The following B3GALT1 variants were observed in gnomAD, a reference collection of about 807,000 sequenced individuals.
B3GALT1 encodes the protein beta-1,3-galactosyltransferase 1, also known as UDP-Gal:betaGlcNAc beta 1,3-galactosyltransferase, polypeptide 1.
Under a neutral mutation model 23.2 loss-of-function variants are expected in B3GALT1, and 10 were observed. The observed-to-expected ratio is 0.43, with a 90% CI of 0.27 to 0.73. The LOEUF is 0.73. Among genes scored for constraint, B3GALT1 ranks in the 30% least tolerant of loss-of-function variants. The pLI is 0.21. For synonymous variants in B3GALT1, 156 were observed against 141.5 expected (o/e 1.10, Z -0.73); for missense variants, 299 against 405.4 (o/e 0.74, Z 2.25).
chr2:167,857,107 C>A (rs1222406449), intron 4 of B3GALT1, among the ~76,000 whole-genome samples: 3 of 152,104 alleles, frequency 2.0e-5, no homozygotes, highest in Non-Finnish European at 4.4e-5. Flanking sequence ...TGTTGACTGA[C>A]AACCCTATGC....
chr2:167,608,104 C>A (rs193009719), intron 2 of B3GALT1, among the ~76,000 whole-genome samples: 9 of 152,104 alleles, frequency 5.9e-5, no homozygotes, highest in Non-Finnish European at 8.8e-5. Context: ...ATATGTCTAA[C>A]GGCCCATGTA....
At chr2:167,805,268 T>G (rs1353397512) in intron 3 of B3GALT1, among the ~76,000 whole-genome samples, 2 of 152,162 alleles carry the variant, frequency 1.3e-5, no homozygotes, top group South Asian at 2.1e-4. Context: ...TTTCTCCCAT[T>G]CTGTAGGTTG....
At position 167,373,152 on chromosome 2, in the gene B3GALT1, A is replaced by G. The variant is rs1697710837; in HGVS notation, c.-511+79818A>G. Among the ~76,000 whole-genome samples, 3 of 152,152 alleles carry G rather than the reference A, an allele frequency of 2.0e-5. No individual in the cohort carries two copies. In the South Asian group the frequency reaches 6.2e-4, roughly 32 times the overall value. ...ACATATTTTCAAGAAATTGTTTCAA[A>G]GCAATTGGATAAGTTTATGAGAAAA... On this transcript the variant is annotated intron_variant, in intron 1 of 4. Transcript: ENST00000392690.
At chr2:167,639,270 A>G (rs1182133359) in intron 2 of B3GALT1, among the ~76,000 whole-genome samples, 1 of 152,044 alleles carries the variant, frequency 6.6e-6, no homozygotes, top group East Asian at 1.9e-4. Context: ...ATCCAGCCTA[A>G]GAAATGTCAT....
At position 167,512,544 on chromosome 2, in the gene B3GALT1, ATG is replaced by A. The variant is rs1436777064; in HGVS notation, c.-410+22269_-410+22270del. The stretch of plus-strand genomic sequence containing the variant: ...TATATATGTGTGTGTGTATATATAT[ATG>A]TATATATATGTATATATATATGTAT... On this transcript the variant is annotated intron_variant, in intron 2 of 4. Coordinates refer to ENST00000392690, the MANE Select transcript of B3GALT1 (RefSeq NM_020981.4). Among the ~76,000 whole-genome samples the A allele has an allele frequency of 8.9e-3, 656 of 73,314 alleles. 14 individuals are homozygous for A. The highest frequency in any genetic ancestry group is 0.04 in the African/African-American group (534 of 13,278). The allele number at this position is 73,314 out of a possible 152,430, so 48.1% of individuals were successfully genotyped here. A position where few individuals can be genotyped will look rare whatever the true frequency, so the allele number is the denominator to read the frequency against.
chr2:167,716,188 G>A (rs927519157), intron 3 of B3GALT1: 67 of 1,073,890 alleles, frequency 6.2e-5, no homozygotes, highest in Non-Finnish European at 8.7e-5. Flanking sequence ...GGACTACTGC[G>A]GAGCCGGCTG....
intron 1 of B3GALT1, among the ~76,000 whole-genome samples, chr2:167,303,898 G>A (rs1696502430): frequency 6.6e-6 from 1 of 152,080 alleles, no homozygotes; most frequent in Non-Finnish European, 1.5e-5. Flanking sequence ...TTACCAATAG[G>A]AGTGAGAGGC....
At chr2:167,845,345 C>A (rs534019154) in intron 4 of B3GALT1, among the ~76,000 whole-genome samples, 9 of 152,218 alleles carry the variant, frequency 5.9e-5, no homozygotes, top group African/African-American at 2.2e-4. Flanking sequence ...GTCCATTGCA[C>A]CCCCCAACCA....
intron 4 of B3GALT1, among the ~76,000 whole-genome samples, chr2:167,834,238 T>C (rs941333397): frequency 5.9e-5 from 9 of 152,210 alleles, no homozygotes; most frequent in African/African-American, 2.2e-4. Context: ...TGGGTACATG[T>C]AACAGTCTTC....
At chr2:167,599,633 AC>A (rs1684838755) in intron 2 of B3GALT1, among the ~76,000 whole-genome samples, 1 of 152,230 alleles carries the variant, frequency 6.6e-6, no homozygotes, top group South Asian at 2.1e-4. Flanking sequence ...GTTGTGTGTC[AC>A]CAAACTATGT....
intron 1 of B3GALT1, among the ~76,000 whole-genome samples, chr2:167,465,571 C>T (rs1026992016): frequency 6.6e-6 from 1 of 152,212 alleles, no homozygotes; most frequent in East Asian, 1.9e-4. Context: ...ATAATTTCCA[C>T]GCATGAGGAC....
chr2:167,803,447 C>T (rs1688680040), intron 3 of B3GALT1, among the ~76,000 whole-genome samples: 1 of 152,092 alleles, frequency 6.6e-6, no homozygotes, highest in African/African-American at 2.4e-5. Context: ...ATAGTGTGGG[C>T]ATATGTGGAG....
chr2:167,672,564 G>A (rs2105484961), intron 3 of B3GALT1, among the ~76,000 whole-genome samples: 1 of 152,264 alleles, frequency 6.6e-6, no homozygotes, highest in East Asian at 1.9e-4. Flanking sequence ...ATACTCTGGG[G>A]TGAAGCCAGC....
At chr2:167,700,308 T>G (rs915484104) in intron 3 of B3GALT1, among the ~76,000 whole-genome samples, 1 of 152,174 alleles carries the variant, frequency 6.6e-6, no homozygotes, top group African/African-American at 2.4e-5. Context: ...AAATATTAGT[T>G]TAGCAATCTA....
At chr2:167,360,476 C>T (rs1697482930) in intron 1 of B3GALT1, among the ~76,000 whole-genome samples, 1 of 152,190 alleles carries the variant, frequency 6.6e-6, no homozygotes, top group Admixed American at 6.5e-5. Flanking sequence ...AAAATGTAGT[C>T]TGCAGACCAG....
chr2:167,408,203 C>A (rs1698336561), intron 1 of B3GALT1, among the ~76,000 whole-genome samples: 1 of 152,076 alleles, frequency 6.6e-6, no homozygotes, highest in African/African-American at 2.4e-5. Context: ...TCCAGGGATG[C>A]AAGGATGGTT....
chr2:167,324,468 T>G (rs1259834757), intron 1 of B3GALT1, among the ~76,000 whole-genome samples: 2 of 152,052 alleles, frequency 1.3e-5, no homozygotes. Flanking sequence ...ATTGTCCACA[T>G]GGCAACAAAA....
intron 3 of B3GALT1, among the ~76,000 whole-genome samples, chr2:167,654,903 A>AGT (rs1430428703): frequency 6.6e-6 from 1 of 151,936 alleles, no homozygotes; most frequent in Non-Finnish European, 1.5e-5. Flanking sequence ...CTACCCACTA[A>AGT]ATCAGTAGTT....
At chr2:167,625,384 G>A (rs1170666317) in intron 2 of B3GALT1, among the ~76,000 whole-genome samples, 1 of 151,808 alleles carries the variant, frequency 6.6e-6, no homozygotes, top group Non-Finnish European at 1.5e-5. Context: ...TTTATTTGGA[G>A]TACTTTTAAA....
Sources: gnomAD v4.1 joint callset for allele counts (sites outside exome capture counted in the v4.1 genomes callset) on GRCh38, gnomAD v4.1.1 for gene constraint, MANE v1.5 for transcripts, NCBI Gene and HGNC (gene_info 2026-07-23, HGNC 2026-07-21) for gene names.